RPSA2: variants seen among roughly 807,000 people sequenced by gnomAD.
RPSA2 encodes ribosomal protein SA 2.
chr19:23,814,829 TTTG>T, the RPSA2 span, among the ~76,000 whole-genome samples: 8 of 152,142 alleles, frequency 5.3e-5, no homozygotes, highest in South Asian at 2.1e-4. Context: ...CTTAAATATA[TTTG>T]TTGTTGTTGT....
the RPSA2 span, among the ~76,000 whole-genome samples, chr19:23,780,583 C>T: frequency 6.6e-6 from 1 of 152,076 alleles, no homozygotes; most frequent in African/African-American, 2.4e-5. Flanking sequence ...ATGGAGTCTG[C>T]AGTGAGCTGA....
At chr19:23,795,850 A>G in the RPSA2 span, among the ~76,000 whole-genome samples, 1,088 of 152,264 alleles carry the variant, frequency 7.1e-3, 8 homozygotes, top group Non-Finnish European at 0.01. Flanking sequence ...ATCTTGGCTC[A>G]CTGCAGACTC....
At chr19:23,850,486 T>G in the RPSA2 span, among the ~76,000 whole-genome samples, 1 of 147,776 alleles carries the variant, frequency 6.8e-6, no homozygotes, top group South Asian at 2.2e-4. Context: ...CATTTTGATT[T>G]GTGTGCCAGT....
chr19:23,865,017 C>T, the RPSA2 span, among the ~76,000 whole-genome samples: 5 of 152,138 alleles, frequency 3.3e-5, no homozygotes, highest in African/African-American at 1.2e-4. Flanking sequence ...TTTATTCCTG[C>T]ATTTATCCTC....
chr19:23,846,119 T>C, the RPSA2 span, among the ~76,000 whole-genome samples: 38 of 152,314 alleles, frequency 2.5e-4, no homozygotes, highest in Non-Finnish European at 4.3e-4. Context: ...AAGTCTGTTT[T>C]ATTTGATATA....
At chr19:23,854,014 A>C in the RPSA2 span, among the ~76,000 whole-genome samples, 4 of 152,214 alleles carry the variant, frequency 2.6e-5, no homozygotes, top group Non-Finnish European at 5.9e-5. Flanking sequence ...AAATTACATT[A>C]ATCCAATAAG....
chr19:23,766,756 ATG>A, the RPSA2 span, among the ~76,000 whole-genome samples: 2 of 71,290 alleles, frequency 2.8e-5, no homozygotes, highest in African/African-American at 5.0e-5. Context: ...GCCGGGCCAA[ATG>A]TTTTTTTTTT....
chr19:23,844,168 T>A, the RPSA2 span, among the ~76,000 whole-genome samples: 1 of 152,214 alleles, frequency 6.6e-6, no homozygotes, highest in South Asian at 2.1e-4. Context: ...ACTTTTTAAA[T>A]ATATCTATTG....
At chr19:23,781,555 T>C in the RPSA2 span, among the ~76,000 whole-genome samples, 7 of 151,632 alleles carry the variant, frequency 4.6e-5, no homozygotes, top group African/African-American at 1.7e-4. Context: ...GTCAGGCTGG[T>C]CTCGAACTCC....
At chr19:23,759,980 C>T in the RPSA2 span, among the ~76,000 whole-genome samples, 1 of 152,154 alleles carries the variant, frequency 6.6e-6, no homozygotes, top group Non-Finnish European at 1.5e-5. Flanking sequence ...ATGATAGTTA[C>T]AGAGGACGAC....
the RPSA2 span, among the ~76,000 whole-genome samples, chr19:23,778,306 A>G: frequency 6.6e-6 from 1 of 152,134 alleles, no homozygotes; most frequent in Non-Finnish European, 1.5e-5. Flanking sequence ...TCTGCCTCCC[A>G]GGTTCAAGCG....
the RPSA2 span, among the ~76,000 whole-genome samples, chr19:23,821,505 TC>T: frequency 6.6e-6 from 1 of 152,062 alleles, no homozygotes; most frequent in Non-Finnish European, 1.5e-5. Flanking sequence ...CTTCCCTGCC[TC>T]CCCCACTTCT....
At chr19:23,830,545 A>G in the RPSA2 span, among the ~76,000 whole-genome samples, 8 of 150,242 alleles carry the variant, frequency 5.3e-5, no homozygotes, top group Non-Finnish European at 8.9e-5. Flanking sequence ...TTTCTGTGAT[A>G]CTAGTTTGTT....
At chr19:23,856,660 C>T in the RPSA2 span, among the ~76,000 whole-genome samples, 2 of 152,062 alleles carry the variant, frequency 1.3e-5, no homozygotes, top group Non-Finnish European at 2.9e-5. Flanking sequence ...AACATAGGTT[C>T]TTTCTATTTT....
At chr19:23,787,252 G>C in the RPSA2 span, among the ~76,000 whole-genome samples, 1 of 152,132 alleles carries the variant, frequency 6.6e-6, no homozygotes, top group Non-Finnish European at 1.5e-5. Context: ...ATTACTGGGT[G>C]TGACACTCAG....
chr19:23,852,595 G>A, the RPSA2 span, among the ~76,000 whole-genome samples: 1 of 140,764 alleles, frequency 7.1e-6, no homozygotes, highest in Admixed American at 7.4e-5. Flanking sequence ...TTTGTTTGCG[G>A]CTTAAGAATG....
chr19:23,806,422 T>C, the RPSA2 span, among the ~76,000 whole-genome samples: 1 of 152,204 alleles, frequency 6.6e-6, no homozygotes, highest in Non-Finnish European at 1.5e-5. Flanking sequence ...GTTCCTTCTG[T>C]GTTCTTAATG....
chr19:23,866,146 T>A, the RPSA2 span, among the ~76,000 whole-genome samples: 3 of 152,196 alleles, frequency 2.0e-5, no homozygotes, highest in Non-Finnish European at 4.4e-5. Flanking sequence ...ACCACCAGTC[T>A]TCCTTAGCCA....
the RPSA2 span, among the ~76,000 whole-genome samples, chr19:23,838,248 G>A: frequency 6.6e-6 from 1 of 152,204 alleles, no homozygotes; most frequent in Admixed American, 6.5e-5. Flanking sequence ...ATCATTTGTT[G>A]ACCTGTGTGT....
Sources: allele counts gnomAD v4.1 joint callset (sites outside exome capture counted in the v4.1 genomes callset), GRCh38; gene constraint gnomAD v4.1.1; transcripts MANE v1.5; gene names NCBI Gene and HGNC (gene_info 2026-07-23, HGNC 2026-07-21).